SPATS2: variants seen among roughly 807,000 people sequenced by gnomAD.
SPATS2 encodes the protein spermatogenesis-associated serine-rich protein 2.
In SPATS2, 38 loss-of-function variants were observed where a neutral mutation model predicts 63.7. That is an observed-to-expected ratio of 0.60 (90% CI 0.46 to 0.78). The LOEUF (loss-of-function observed/expected upper bound fraction) is 0.78. Among genes scored for constraint, SPATS2 ranks in the 30% least tolerant of loss-of-function variants. The pLI is 0.00. For missense variants in SPATS2, 588 were observed against 666.2 expected, an observed-to-expected ratio of 0.88 and a Z score of 1.29; for synonymous variants, 207 against 232.9, an observed-to-expected ratio of 0.89 and a Z score of 1.01.
At chr12:49,423,650 T>C (rs79420622) in intron 2 of SPATS2, among the ~76,000 whole-genome samples, 4,442 of 152,248 alleles carry the variant, frequency 0.029, 92 homozygotes, top group Middle Eastern at 0.082. Context: ...GAATAATGAA[T>C]GAAATGAGAA....
At chr12:49,380,598 T>C (rs1199309642) in intron 2 of SPATS2, among the ~76,000 whole-genome samples, 7 of 151,744 alleles carry the variant, frequency 4.6e-5, no homozygotes, top group African/African-American at 1.7e-4. Context: ...CCCAGCTACT[T>C]GAGAGGCTGA....
chr12:49,393,590 TTTTG>T (rs1352582263), intron 2 of SPATS2, among the ~76,000 whole-genome samples: 1 of 152,126 alleles, frequency 6.6e-6, no homozygotes, highest in Non-Finnish European at 1.5e-5. Context: ...GACTAATGTG[TTTTG>T]TTTGTTTTAG....
intron 2 of SPATS2, among the ~76,000 whole-genome samples, chr12:49,380,534 C>T (rs940967135): frequency 3.3e-5 from 5 of 151,996 alleles, no homozygotes; most frequent in African/African-American, 7.2e-5. Context: ...GGCAAAACCC[C>T]GCCTCTATTA....
At chr12:49,439,577 G>C (rs1945379506) in intron 2 of SPATS2, among the ~76,000 whole-genome samples, 1 of 152,154 alleles carries the variant, frequency 6.6e-6, no homozygotes, top group African/African-American at 2.4e-5. Flanking sequence ...AGGAGTCAAG[G>C]ATAATTACAG....
intron 9 of SPATS2, among the ~76,000 whole-genome samples, chr12:49,504,754 T>TTTTCTTTCTTTC (rs60002183): frequency 7.4e-6 from 1 of 134,644 alleles, no homozygotes; most frequent in African/African-American, 3.3e-5. Context: ...TTCCTGTTTC[T>TTTTCTTTCTTTC]TTTCTTTCTT....
intron 9 of SPATS2, among the ~76,000 whole-genome samples, chr12:49,503,074 T>C (rs933593188): frequency 6.6e-6 from 1 of 152,178 alleles, no homozygotes; most frequent in East Asian, 1.9e-4. Flanking sequence ...AAGAGCTGGC[T>C]GGGCACAGTG....
intron 2 of SPATS2, among the ~76,000 whole-genome samples, chr12:49,371,634 G>A (rs1943998765): frequency 6.6e-6 from 1 of 152,170 alleles, no homozygotes; most frequent in Admixed American, 6.5e-5. Flanking sequence ...TCATGGTTCT[G>A]CAGGCTGTAC....
chr12:49,524,600 A>G (rs2138102443), intron 12 of SPATS2, 82 bp from the exon 13 acceptor site: 1 of 1,403,580 alleles, frequency 7.1e-7, no homozygotes, highest in East Asian at 2.3e-5. Flanking sequence ...TAAATTGCTC[A>G]TTGTGAAATT....
intron 3 of SPATS2, among the ~76,000 whole-genome samples, chr12:49,473,364 T>C (rs934253551): frequency 7.9e-5 from 12 of 152,034 alleles, no homozygotes; most frequent in Admixed American, 7.9e-4. Flanking sequence ...TGCAGTGAGC[T>C]GAGATCACAC....
At chr12:49,449,255 G>A (rs892246230) in intron 2 of SPATS2, among the ~76,000 whole-genome samples, 4 of 152,032 alleles carry the variant, frequency 2.6e-5, no homozygotes, top group Non-Finnish European at 4.4e-5. Flanking sequence ...TCGCTCTGTC[G>A]CCCAAGCTGG....
At chr12:49,462,104 A>T (rs1272572093) in intron 3 of SPATS2, among the ~76,000 whole-genome samples, 1 of 152,222 alleles carries the variant, frequency 6.6e-6, no homozygotes, top group Non-Finnish European at 1.5e-5. Flanking sequence ...CCAAAAAAAA[A>T]GTTAACTTCA....
rs184257292 is a variant in SPATS2 at position 49,405,344 on chromosome 12, T to C, written c.-244+34054T>C. On this transcript the variant is annotated intron_variant, in intron 2 of 13. Transcript: ENST00000552918. ...AGATGTCTGAATTCAACATCTGTATTCATTTTACTGATCACATTGTGTTAT... is the reference window on the plus strand; with the variant it reads ...AGATGTCTGAATTCAACATCTGTATCCATTTTACTGATCACATTGTGTTAT... 2.8e-3 allele frequency among the ~76,000 whole-genome samples: 426 copies of C among 152,262 alleles called. 2 individuals are homozygous for C. Among genetic ancestry groups the C allele is most frequent in the Non-Finnish European group, 4.3e-3 (295 of 68,016 alleles).
At chr12:49,376,603 C>T (rs955206728) in intron 2 of SPATS2, among the ~76,000 whole-genome samples, 1 of 151,696 alleles carries the variant, frequency 6.6e-6, no homozygotes, top group Non-Finnish European at 1.5e-5. Flanking sequence ...TGCTATGTTT[C>T]CTAGGCTGGT....
At chr12:49,479,995 A>G (rs1270924675) in intron 3 of SPATS2, among the ~76,000 whole-genome samples, 9 of 152,216 alleles carry the variant, frequency 5.9e-5, no homozygotes, top group Non-Finnish European at 1.2e-4. Flanking sequence ...TATGAGATTA[A>G]GAGAGGATAT....
At chr12:49,416,707 A>ACC (rs1294897375) in intron 2 of SPATS2, among the ~76,000 whole-genome samples, 1 of 151,900 alleles carries the variant, frequency 6.6e-6, no homozygotes, top group East Asian at 1.9e-4. Context: ...CTGGTCACGA[A>ACC]CCCCTGACCT....
intron 2 of SPATS2, among the ~76,000 whole-genome samples, chr12:49,385,481 T>C (rs1944299242): frequency 6.6e-6 from 1 of 151,972 alleles, no homozygotes; most frequent in Admixed American, 6.6e-5. Context: ...ATCTAAAAAT[T>C]GTCTTTGATT....
rs1424593541 is a variant in SPATS2 at position 49,519,198 on chromosome 12, G to C, written c.1008+16G>C. ...TGATATCAAGGTAAAACTTCTTTCT[G>C]CTTTCTGCCTTTCTTCTTATCCTCA... On this transcript the variant is annotated intron_variant, in intron 11 of 13. Transcript: ENST00000552918. 1.3e-6 allele frequency: 2 copies of C among 1,598,970 alleles called. No homozygotes were observed. The highest frequency in any genetic ancestry group is 1.7e-6 in the Non-Finnish European group (2 of 1,169,802).
intron 2 of SPATS2, among the ~76,000 whole-genome samples, chr12:49,384,777 G>C (rs779465044): frequency 2.6e-5 from 4 of 151,254 alleles, no homozygotes; most frequent in Non-Finnish European, 4.4e-5. Context: ...GTGTAAATAC[G>C]ATCATCCATA....
intron 11 of SPATS2, among the ~76,000 whole-genome samples, chr12:49,520,119 A>G (rs1946916317): frequency 6.6e-6 from 1 of 152,082 alleles, no homozygotes; most frequent in Non-Finnish European, 1.5e-5. Context: ...AGCTAGGATT[A>G]TAGGCATGCG....
Sources: gnomAD v4.1 joint callset for allele counts (sites outside exome capture counted in the v4.1 genomes callset) on GRCh38, gnomAD v4.1.1 for gene constraint, MANE v1.5 for transcripts, NCBI Gene and HGNC (gene_info 2026-07-23, HGNC 2026-07-21) for gene names.